Variants in SFXN1 observed in about 807,000 individuals in gnomAD.
The protein encoded by SFXN1 is sideroflexin 1.
Under a neutral mutation model 39.5 loss-of-function variants are expected in SFXN1, and 32 were observed. That is an observed-to-expected ratio of 0.81 (90% CI 0.61 to 1.09). SFXN1 has a LOEUF of 1.09. Ranked by LOEUF, SFXN1 falls within the 50% of genes least tolerant of loss-of-function variation. The pLI, the probability that SFXN1 is intolerant of heterozygous loss-of-function variation, is 0.00. For missense variants in SFXN1, 402 were observed against 407.1 expected (o/e 0.99, Z 0.11); for synonymous variants, 136 against 146.5 (o/e 0.93, Z 0.52).
At chr5:175,479,532 C>G (rs1759150907) in intron 1 of SFXN1, among the ~76,000 whole-genome samples, 2 of 152,160 alleles carry the variant, frequency 1.3e-5, no homozygotes, top group Non-Finnish European at 2.9e-5. Context: ...GTAACACAAA[C>G]TCTGGGTTTT....
chr5:175,491,371 C>T (rs1289701946), intron 1 of SFXN1: 2 of 152,014 alleles, frequency 1.3e-5, no homozygotes, highest in Admixed American at 1.3e-4. Flanking sequence ...TTAGTCATTT[C>T]TCCTAGTAGG....
chr5:175,491,444 C>T (rs1759650875), intron 1 of SFXN1: 1 of 151,310 alleles, frequency 6.6e-6, no homozygotes, highest in South Asian at 2.1e-4. Flanking sequence ...GTTCAAACTT[C>T]GGACCTTGTT....
chr5:175,523,504 G>C (rs931194525), intron 10 of SFXN1: 1 of 152,100 alleles, frequency 6.6e-6, no homozygotes, highest in African/African-American at 2.4e-5. Context: ...TTTAGACTTT[G>C]AGCACATAAA....
chr5:175,493,988 T>A (rs1759760690), intron 2 of SFXN1, among the ~76,000 whole-genome samples: 1 of 151,972 alleles, frequency 6.6e-6, no homozygotes, highest in African/African-American at 2.4e-5. Flanking sequence ...TGCCAATCCC[T>A]GATATAGATG....
At chr5:175,507,553 T>G (rs2471018) in intron 2 of SFXN1, among the ~76,000 whole-genome samples, 37,752 of 152,150 alleles carry the variant, frequency 0.25, 6,458 homozygotes, top group African/African-American at 0.48. Flanking sequence ...GATGAGTAGG[T>G]AAAGACTTGA....
In SFXN1 at chr5:175,498,030, A is replaced by G. The variant is rs922833346; in HGVS notation, c.164+5763A>G. On this transcript the variant is annotated intron_variant, in intron 2 of 10. Coordinates refer to ENST00000321442, the MANE Select transcript of SFXN1 (RefSeq NM_022754.7). ...ATCATCTAATCACACTAGAATTTTTATGCTGTTTTAATTCTTTGATCAAAA... is the reference window on the plus strand; with the variant it reads ...ATCATCTAATCACACTAGAATTTTTGTGCTGTTTTAATTCTTTGATCAAAA... Among the ~76,000 whole-genome samples, 7 of 150,410 alleles carry G rather than the reference A, an allele frequency of 4.7e-5. No individual in the cohort carries two copies. In the East Asian group the frequency reaches 1.4e-3, roughly 29 times the overall value.
intron 2 of SFXN1, among the ~76,000 whole-genome samples, chr5:175,505,301 G>A (rs955329908): frequency 5.3e-5 from 8 of 151,782 alleles, no homozygotes; most frequent in Admixed American, 3.3e-4. Flanking sequence ...TTGGGAGGCC[G>A]AGGCAGGGGC....
chr5:175,518,902 A>T (rs940583779), intron 8 of SFXN1, among the ~76,000 whole-genome samples: 1 of 152,224 alleles, frequency 6.6e-6, no homozygotes, highest in African/African-American at 2.4e-5. Flanking sequence ...ATTGGACTTC[A>T]TCAGATTTTT....
chr5:175,486,292 G>A (rs1314201373), intron 1 of SFXN1, among the ~76,000 whole-genome samples: 1 of 152,210 alleles, frequency 6.6e-6, no homozygotes, highest in African/African-American at 2.4e-5. Context: ...CCAGTGCCCT[G>A]GAGGCTGCTC....
At chr5:175,505,206 A>G (rs115673239) in intron 2 of SFXN1, among the ~76,000 whole-genome samples, 5,361 of 152,138 alleles carry the variant, frequency 0.035, 151 homozygotes, top group Non-Finnish European at 0.054. Context: ...ATACGATTTC[A>G]GTCAAATTAC....
At chr5:175,500,052 G>A (rs1272279015) in intron 2 of SFXN1, among the ~76,000 whole-genome samples, 1 of 152,166 alleles carries the variant, frequency 6.6e-6, no homozygotes, top group Non-Finnish European at 1.5e-5. Context: ...GCCAGGCCTG[G>A]TGGTGCATGC....
chr5:175,525,416 A>G (rs1474076091), intron 10 of SFXN1, among the ~76,000 whole-genome samples: 2 of 152,206 alleles, frequency 1.3e-5, no homozygotes, highest in Non-Finnish European at 2.9e-5. Context: ...TATCATTACC[A>G]TCATCAGTGT....
At position 175,527,805 on chromosome 5, in the gene SFXN1, T is replaced by G. The variant is rs1215209058; in HGVS notation, c.*1071T>G. 6.6e-6 allele frequency: 1 copy of G among 152,188 alleles called. No individual in the cohort carries two copies. Among genetic ancestry groups the G allele is most frequent in the African/African-American group, 2.4e-5 (1 of 41,458 alleles). The allele number at this position is 152,188 out of a possible 1,614,324, so 9.4% of individuals were successfully genotyped here. A position where few individuals can be genotyped will look rare whatever the true frequency, so the allele number is the denominator to read the frequency against. ...TGTAGTGATTTCATAGATAATATAT[T>G]TAATATGACAGATTATGTTTCAACT... On this transcript the variant is annotated 3_prime_UTR_variant, in exon 11 of 11. Coordinates refer to ENST00000321442, the MANE Select transcript of SFXN1 (RefSeq NM_022754.7).
At chr5:175,516,701 T>C in intron 8 of SFXN1, 38 bp downstream of exon 8, 2 of 1,598,594 alleles carry the variant, frequency 1.3e-6, no homozygotes, top group East Asian at 4.5e-5. Context: ...TCAACCCTTT[T>C]TATTTCTTTT....
chr5:175,479,627 G>A (rs1287461325), intron 1 of SFXN1, among the ~76,000 whole-genome samples: 2 of 152,052 alleles, frequency 1.3e-5, no homozygotes, highest in African/African-American at 4.8e-5. Flanking sequence ...CCTATTTTGT[G>A]TTGCTCAGCC....
Position 175,513,557 on chromosome 5 carries a change from G to C in SFXN1, c.691G>C (p.Val231Leu). 3 of 1,613,874 alleles carry C rather than the reference G, an allele frequency of 1.9e-6. No individual in the cohort carries two copies. The highest frequency in any genetic ancestry group is 2.5e-6 in the Non-Finnish European group (3 of 1,179,866). ...GAAACAAGCCATCACGCAAGTTGTC[G>C]TGTCCAGGATTCTCATGGCAGCCCC... ...AAKQAITQVV[V>L]SRILMAAPGM... is the part of the protein sequence containing the mutation. The change falls in exon 7 of 11, where the codon GTG becomes CTG. Residue 231 changes from valine to leucine, a missense_variant. Transcript: ENST00000321442.
rs888173536 is a variant in SFXN1, at chr5:175,493,239, G to A, written c.164+972G>A. Among the ~76,000 whole-genome samples, 24 of 151,700 alleles carry A rather than the reference G, an allele frequency of 1.6e-4. No individual in the cohort carries two copies. In the East Asian group the frequency reaches 3.1e-3, roughly 20 times the overall value. ...CTCGCCACTGCACTCCAGCCTGGGC[G>A]ACAGAGCGAAACTCCATCTAAAAAA... On this transcript the variant is annotated intron_variant, in intron 2 of 10. Coordinates refer to ENST00000321442, the MANE Select transcript of SFXN1 (RefSeq NM_022754.7).
chr5:175,506,976 A>G (rs536570926), intron 2 of SFXN1, among the ~76,000 whole-genome samples: 2 of 152,178 alleles, frequency 1.3e-5, no homozygotes, highest in African/African-American at 4.8e-5. Context: ...TTAATTTCTT[A>G]AGGCTGCCAT....
intron 1 of SFXN1, among the ~76,000 whole-genome samples, chr5:175,489,034 C>A (rs1052547224): frequency 3.9e-5 from 6 of 152,164 alleles, no homozygotes; most frequent in African/African-American, 7.2e-5. Flanking sequence ...CTTCTTTGTT[C>A]ACCGATGCGG....
Sources: gnomAD v4.1 joint callset for allele counts (sites outside exome capture counted in the v4.1 genomes callset) on GRCh38, gnomAD v4.1.1 for gene constraint, MANE v1.5 for transcripts, NCBI Gene and HGNC (gene_info 2026-07-23, HGNC 2026-07-21) for gene names.